The following PTPRD variants were observed in gnomAD, a reference collection of about 807,000 sequenced individuals.
PTPRD encodes the protein receptor-type tyrosine-protein phosphatase delta.
PTPRD carries 34 observed loss-of-function variants against 214.5 expected under a neutral mutation model. The observed-to-expected ratio is 0.16, with a 90% CI of 0.12 to 0.21. PTPRD has a LOEUF of 0.21. Ranked by LOEUF, PTPRD falls within the 10% of genes least tolerant of loss-of-function variation. The pLI is 1.00. For synonymous variants in PTPRD, 1,128 were observed against 845.7 expected (o/e 1.33, Z -5.79); for missense variants, 2,545 against 2,398.7 (o/e 1.06, Z -1.27).
chr9:8,587,725 C>T (rs770178563), intron 14 of PTPRD, among the ~76,000 whole-genome samples: 1 of 152,144 alleles, frequency 6.6e-6, no homozygotes, highest in African/African-American at 2.4e-5. Context: ...ATGGTCCTTA[C>T]AGCCAAGTAA....
intron 11 of PTPRD, among the ~76,000 whole-genome samples, chr9:8,781,334 GTGTGGTATCCATA>G (rs1408823068): frequency 6.6e-6 from 1 of 152,184 alleles, no homozygotes; most frequent in Non-Finnish European, 1.5e-5. Flanking sequence ...GAAGCCTGTG[GTGTGGTATCCATA>G]TTAATCCATT....
In PTPRD at chr9:9,183,377, T is replaced by A. The variant is rs1303212245; in HGVS notation, c.-202-14A>T. ...GAAGTTCAAAACCTAATTATAAAGA[T>A]AGAAAGTAACAATTATTTAAAAAAT... is the stretch of plus-strand genomic sequence containing the variant. On this transcript the variant is annotated splice_polypyrimidine_tract_variant and intron_variant, in intron 9 of 45. Transcript: ENST00000381196. 1.3e-5 allele frequency: 2 copies of A among 151,912 alleles called. No homozygotes were observed. Among genetic ancestry groups the A allele is most frequent in the East Asian group, 3.9e-4 (2 of 5,140 alleles). The allele number at this position is 151,912 out of a possible 1,614,324, so 9.4% of individuals were successfully genotyped here. A position where few individuals can be genotyped will look rare whatever the true frequency, so the allele number is the denominator to read the frequency against.
chr9:10,345,964 G>A (rs2097071423), intron 2 of PTPRD, among the ~76,000 whole-genome samples: 1 of 152,150 alleles, frequency 6.6e-6, no homozygotes, highest in African/African-American at 2.4e-5. Context: ...TCTAACTGAT[G>A]TGAGATGGTA....
intron 2 of PTPRD, among the ~76,000 whole-genome samples, chr9:10,402,791 C>G (rs991392719): frequency 3.3e-5 from 5 of 151,582 alleles, no homozygotes; most frequent in African/African-American, 1.2e-4. Flanking sequence ...TCTAAGGTCT[C>G]CAGTCATCTA....
intron 6 of PTPRD, among the ~76,000 whole-genome samples, chr9:9,765,875 G>T (rs1322828902): frequency 3.3e-5 from 5 of 152,030 alleles, no homozygotes; most frequent in Non-Finnish European, 5.9e-5. Flanking sequence ...TGTTAGCCAG[G>T]ATGGTCTCGA....
intron 2 of PTPRD, among the ~76,000 whole-genome samples, chr9:10,383,792 A>G (rs541841427): frequency 4.0e-5 from 6 of 151,864 alleles, no homozygotes; most frequent in African/African-American, 7.2e-5. Flanking sequence ...GACTCTAATC[A>G]TAAGTTAGCA....
chr9:8,438,900 G>A (rs151237910), intron 34 of PTPRD: 5 of 152,182 alleles, frequency 3.3e-5, no homozygotes, highest in African/African-American at 9.6e-5. Context: ...AACCAAAGAT[G>A]TGATCAACAT....
chr9:8,828,930 G>A (rs1055137423), intron 11 of PTPRD, among the ~76,000 whole-genome samples: 12 of 152,112 alleles, frequency 7.9e-5, no homozygotes, highest in Admixed American at 1.3e-4. Context: ...GTGGACAACA[G>A]TGTTCCATAA....
rs72698242 is a variant in PTPRD at position 8,624,406 on chromosome 9, T to C, written c.352+8911A>G. On this transcript the variant is annotated intron_variant, in intron 14 of 45. Transcript: ENST00000381196. ...TTGAGAAGACACAAAAACTTATTTT[T>C]CAGAGTTCTTCACCCTCCCTTCCCT... Among the ~76,000 whole-genome samples the C allele has an allele frequency of 5.8e-3, 888 of 151,954 alleles. 4 individuals are homozygous for C. The highest frequency in any genetic ancestry group is 0.012 in the African/African-American group (489 of 41,520).
chr9:8,450,519 T>C (rs2095896078), intron 33 of PTPRD, among the ~76,000 whole-genome samples: 1 of 152,176 alleles, frequency 6.6e-6, no homozygotes, highest in South Asian at 2.1e-4. Context: ...CACAGAAAGA[T>C]CAGAGAAAAA....
chr9:9,701,285 A>C (rs2097496946), intron 7 of PTPRD, among the ~76,000 whole-genome samples: 1 of 152,194 alleles, frequency 6.6e-6, no homozygotes, highest in Non-Finnish European at 1.5e-5. Flanking sequence ...CTCATATACA[A>C]TAAGGAGCCA....
Position 9,834,847 on chromosome 9 carries a change from G to C in PTPRD, c.-367-67996C>G, listed in dbSNP as rs373110822. Among the ~76,000 whole-genome samples, 7 of 152,098 alleles carry C rather than the reference G, an allele frequency of 4.6e-5. No homozygotes were observed. In the East Asian group the frequency reaches 9.7e-4, roughly 21 times the overall value. ...TATATTTAATTGATTGGTGATAACA[G>C]TTAGAGTTCCAGATGTGGTTTCTTT... On this transcript the variant is annotated intron_variant, in intron 5 of 45. Transcript: ENST00000381196.
chr9:9,018,489 G>A (rs1253634447), intron 11 of PTPRD, among the ~76,000 whole-genome samples: 2 of 151,962 alleles, frequency 1.3e-5, no homozygotes, highest in Non-Finnish European at 2.9e-5. Context: ...TTTTGTGTCT[G>A]CCTACTACAT....
chr9:10,508,241 A>G (rs934510081), intron 2 of PTPRD, among the ~76,000 whole-genome samples: 27 of 152,138 alleles, frequency 1.8e-4, no homozygotes, highest in African/African-American at 5.8e-4. Context: ...CAAAACCACT[A>G]TGAGATACCA....
chr9:10,372,827 G>C (rs1411560717), intron 2 of PTPRD, among the ~76,000 whole-genome samples: 1 of 80,636 alleles, frequency 1.2e-5, no homozygotes, highest in Non-Finnish European at 2.5e-5. Context: ...CAAAATATTT[G>C]TTTTTATACA....
chr9:10,292,852 C>G (rs2095568097), intron 3 of PTPRD, among the ~76,000 whole-genome samples: 1 of 151,618 alleles, frequency 6.6e-6, no homozygotes, highest in Non-Finnish European at 1.5e-5. Context: ...ATGAGGAACA[C>G]TTAATGAGTG....
intron 9 of PTPRD, among the ~76,000 whole-genome samples, chr9:9,392,235 T>C (rs4008110): frequency 0.26 from 40,210 of 151,976 alleles, 5,470 homozygotes; most frequent in Middle Eastern, 0.3. Context: ...GTAAAGCTCT[T>C]AGTAAGTGGG....
chr9:9,249,084 T>C (rs2099974314), intron 9 of PTPRD, among the ~76,000 whole-genome samples: 2 of 152,066 alleles, frequency 1.3e-5, no homozygotes, highest in Admixed American at 6.6e-5. Flanking sequence ...GTTTGGGTAG[T>C]GGGGGCAGAT....
chr9:8,365,807 G>T (rs1443532606), intron 39 of PTPRD, among the ~76,000 whole-genome samples: 1 of 152,114 alleles, frequency 6.6e-6, no homozygotes, highest in Admixed American at 6.5e-5. Context: ...ACTGGACCAG[G>T]ATGAAAAGCC....
Sources: gnomAD v4.1 joint callset for allele counts (sites outside exome capture counted in the v4.1 genomes callset) on GRCh38, gnomAD v4.1.1 for gene constraint, MANE v1.5 for transcripts, NCBI Gene and HGNC (gene_info 2026-07-23, HGNC 2026-07-21) for gene names.